Variants in ADGRV1 observed in about 807,000 individuals in gnomAD.
The protein encoded by ADGRV1 is G-protein coupled receptor 98.
ADGRV1 carries 359 observed loss-of-function variants against 596.2 expected under a neutral mutation model. The observed-to-expected ratio is 0.60, with a 90% CI of 0.55 to 0.66. ADGRV1 has a LOEUF of 0.66. ADGRV1 is among the 30% of genes least tolerant of loss of function. ADGRV1 has a pLI of 0.00. For missense variants in ADGRV1, 7,274 were observed against 7,575.6 expected (o/e 0.96, Z 1.48); for synonymous variants, 2,681 against 2,679.2 (o/e 1.00, Z -0.02).
At chr5:90,742,238 T>C (rs1305334008) in intron 50 of ADGRV1, among the ~76,000 whole-genome samples, 3 of 152,214 alleles carry the variant, frequency 2.0e-5, no homozygotes, top group African/African-American at 7.2e-5. Context: ...TATGAAAGGA[T>C]AGAATACTTT....
intron 59 of ADGRV1, among the ~76,000 whole-genome samples, chr5:90,771,931 C>T (rs1757733629): frequency 6.6e-6 from 1 of 152,110 alleles, no homozygotes; most frequent in African/African-American, 2.4e-5. Flanking sequence ...TGAAACTTCC[C>T]CATCACCTTT....
At chr5:90,654,066 T>C (rs1769052104) in intron 20 of ADGRV1, 114 bp downstream of exon 20, 3 of 1,048,034 alleles carry the variant, frequency 2.9e-6, no homozygotes, top group Middle Eastern at 2.9e-4. Context: ...TACTTATGCA[T>C]TGGTTTAATT....
At chr5:90,978,350 C>A (rs1227616027) in intron 84 of ADGRV1, among the ~76,000 whole-genome samples, 1 of 151,638 alleles carries the variant, frequency 6.6e-6, no homozygotes, top group Admixed American at 6.6e-5. Flanking sequence ...CCCTCTTAAA[C>A]TATTACCTTC....
intron 85 of ADGRV1, among the ~76,000 whole-genome samples, chr5:91,000,173 C>A (rs1475632648): frequency 6.6e-6 from 1 of 151,898 alleles, no homozygotes. Flanking sequence ...AAATTGAGAT[C>A]TCTCAATTTT....
At chr5:91,159,464 T>C (rs1796760154) in intron 89 of ADGRV1, among the ~76,000 whole-genome samples, 1 of 152,236 alleles carries the variant, frequency 6.6e-6, no homozygotes, top group African/African-American at 2.4e-5. Context: ...AGTCATGGAC[T>C]TCTTTTTCAA....
chr5:91,154,732 A>G (rs1273809721), intron 89 of ADGRV1, among the ~76,000 whole-genome samples: 1 of 152,226 alleles, frequency 6.6e-6, no homozygotes, highest in Admixed American at 6.5e-5. Context: ...GGCGGAAGGC[A>G]AAGGAGAAGC....
chr5:90,968,057 T>C (rs1305213377), intron 84 of ADGRV1, among the ~76,000 whole-genome samples: 3 of 152,140 alleles, frequency 2.0e-5, no homozygotes, highest in Non-Finnish European at 4.4e-5. Context: ...CTAAGAAACT[T>C]TGAGGCAGCT....
At position 90,622,472 on chromosome 5, in the gene ADGRV1, A is replaced by G. The variant is rs1456311064; in HGVS notation, c.454-125A>G. On this transcript the variant is annotated intron_variant, in intron 4 of 89. Transcript: ENST00000405460. Reference sequence around the variant, plus strand: ...GTTCATTGATGCTAGGAAATATCACATTCTTATCGTACAGTGTGGATTGAT... The same window carrying G: ...GTTCATTGATGCTAGGAAATATCACGTTCTTATCGTACAGTGTGGATTGAT... 3 of 416,160 alleles carry G rather than the reference A, an allele frequency of 7.2e-6. No homozygotes were observed. In the East Asian group the frequency reaches 1.1e-4, roughly 15 times the overall value. 25.8% of individuals were successfully genotyped at this position (416,160 alleles called of 1,614,324 possible).
intron 5 of ADGRV1, 91 bp downstream of exon 5, chr5:90,622,792 G>C: frequency 2.0e-6 from 1 of 492,702 alleles, no homozygotes; most frequent in Non-Finnish European, 3.4e-6. Context: ...CCAAGCTGGA[G>C]TGCAGTGGTG....
chr5:90,779,370 A>T (rs1758603333), intron 64 of ADGRV1: 1 of 211,692 alleles, frequency 4.7e-6, no homozygotes, highest in Non-Finnish European at 9.5e-6. Context: ...GTTGAATATG[A>T]TAACGGCTTC....
intron 82 of ADGRV1, among the ~76,000 whole-genome samples, chr5:90,858,534 G>C (rs1023259343): frequency 1.3e-5 from 2 of 151,892 alleles, no homozygotes. Flanking sequence ...TTTTTATAGA[G>C]ATAGGGTTTT....
intron 5 of ADGRV1, among the ~76,000 whole-genome samples, chr5:90,623,312 C>T (rs1461362636): frequency 1.3e-5 from 2 of 152,120 alleles, no homozygotes; most frequent in Admixed American, 1.3e-4. Flanking sequence ...ATTCATGGAA[C>T]TTTTATGATA....
At chr5:90,566,459 ATAAATGTATGGTTTTAT>A (rs577081523) in intron 1 of ADGRV1, among the ~76,000 whole-genome samples, 45 of 152,256 alleles carry the variant, frequency 3.0e-4, no homozygotes, top group Non-Finnish European at 5.7e-4. Context: ...TTAATTGACT[ATAAATGTATGGTTTTAT>A]TTCTGGACTC....
chr5:90,972,757 T>A (rs564267991), intron 84 of ADGRV1, among the ~76,000 whole-genome samples: 6 of 151,942 alleles, frequency 3.9e-5, no homozygotes, highest in Non-Finnish European at 8.8e-5. Flanking sequence ...GCAGGAACGA[T>A]CTAAAATTGA....
chr5:90,576,315 C>T (rs543184502), intron 1 of ADGRV1, among the ~76,000 whole-genome samples: 3 of 151,494 alleles, frequency 2.0e-5, no homozygotes, highest in African/African-American at 7.3e-5. Flanking sequence ...GCTGTGTGTC[C>T]AGGTGTTCTC....
rs368604803 is a variant in ADGRV1, at chr5:90,558,926, T to C, written c.22+9T>C. On this transcript the variant is annotated intron_variant, in intron 1 of 89. Transcript: ENST00000405460. Reference sequence around the variant, plus strand: ...GGTGTTCCTGGGGCCAGGTAGGCTATGGCTGAGGGGTGGTGCTGCGAGCAT... The same window carrying C: ...GGTGTTCCTGGGGCCAGGTAGGCTACGGCTGAGGGGTGGTGCTGCGAGCAT... 4.6e-4 allele frequency: 718 copies of C among 1,555,924 alleles called. 3 individuals carry two copies. In the African/African-American group the frequency reaches 7.0e-3, roughly 15 times the overall value.
rs190917444 is a variant in ADGRV1 at position 91,037,261 on chromosome 5, G to A, written c.18153-35186G>A. On this transcript the variant is annotated intron_variant, in intron 85 of 89. Coordinates refer to ENST00000405460, the MANE Select transcript of ADGRV1 (RefSeq NM_032119.4). The stretch of plus-strand genomic sequence containing the variant: ...CCTTATCTTTTCAGTAGAAGGACAC[G>A]TCTTTTTTGTACTAGACAGTAAGCA... 3.3e-5 allele frequency among the ~76,000 whole-genome samples: 5 copies of A among 152,222 alleles called. No individual in the cohort carries two copies. In the East Asian group the frequency reaches 9.6e-4, roughly 29 times the overall value.
At chr5:90,931,800 C>A (rs968428678) in intron 83 of ADGRV1, among the ~76,000 whole-genome samples, 3 of 152,104 alleles carry the variant, frequency 2.0e-5, no homozygotes, top group African/African-American at 7.2e-5. Context: ...TCTGGACAGG[C>A]ATATACTTGA....
intron 85 of ADGRV1, among the ~76,000 whole-genome samples, chr5:91,064,889 A>G (rs1264809399): frequency 6.6e-6 from 1 of 152,180 alleles, no homozygotes; most frequent in African/African-American, 2.4e-5. Context: ...TACACACACA[A>G]TGCATGCATG....
Sources: allele counts gnomAD v4.1 joint callset (sites outside exome capture counted in the v4.1 genomes callset), GRCh38; gene constraint gnomAD v4.1.1; transcripts MANE v1.5; gene names NCBI Gene and HGNC (gene_info 2026-07-23, HGNC 2026-07-21).